THSD7B: variants seen among roughly 807,000 people sequenced by gnomAD.
THSD7B encodes the protein thrombospondin type 1 domain containing 7B, also known as thrombospondin type-1 domain-containing protein 7B.
Under a neutral mutation model 213.6 loss-of-function variants are expected in THSD7B, and 138 were observed. That is an observed-to-expected ratio of 0.65 (90% CI 0.56 to 0.74). The LOEUF (loss-of-function observed/expected upper bound fraction) is 0.74, where lower values mean the gene tolerates loss of function less well. THSD7B is among the 30% of genes least tolerant of loss of function. The pLI, the probability that THSD7B is intolerant of heterozygous loss-of-function variation, is 0.00. For missense variants in THSD7B, 1,931 were observed against 1,991.5 expected (o/e 0.97, Z 0.58); for synonymous variants, 742 against 687.0 (o/e 1.08, Z -1.25).
chr2:137,275,380 A>G (rs967870970), intron 11 of THSD7B, among the ~76,000 whole-genome samples: 3 of 152,158 alleles, frequency 2.0e-5, no homozygotes, highest in Non-Finnish European at 4.4e-5. Context: ...AATTTGAAGC[A>G]GAGGATTAAG....
At chr2:137,413,703 G>A (rs1212083523) in intron 14 of THSD7B, among the ~76,000 whole-genome samples, 1 of 152,190 alleles carries the variant, frequency 6.6e-6, no homozygotes, top group Non-Finnish European at 1.5e-5. Context: ...AGTTGAAGAA[G>A]TATGTGGAAT....
chr2:136,879,823 C>T (rs1468815633), intron 1 of THSD7B, among the ~76,000 whole-genome samples: 1 of 152,056 alleles, frequency 6.6e-6, no homozygotes, highest in Admixed American at 6.6e-5. Flanking sequence ...ATCCTAGTCT[C>T]TGATAAAATA....
chr2:137,044,586 C>A (rs181125415), intron 2 of THSD7B, among the ~76,000 whole-genome samples: 55 of 152,088 alleles, frequency 3.6e-4, no homozygotes, highest in African/African-American at 1.3e-3. Context: ...ATATACATAC[C>A]TATGATAAAG....
chr2:137,346,478 TTC>T (rs139028202), intron 12 of THSD7B, among the ~76,000 whole-genome samples: 235 of 147,444 alleles, frequency 1.6e-3, no homozygotes, highest in African/African-American at 4.6e-3. Flanking sequence ...TAATATTCCA[TTC>T]TCTCTCTCTC....
chr2:136,924,476 G>A (rs1031214754), intron 2 of THSD7B, among the ~76,000 whole-genome samples: 1 of 152,074 alleles, frequency 6.6e-6, no homozygotes, highest in African/African-American at 2.4e-5. Context: ...GGTAGTCTTG[G>A]CAACTTTGTA....
intron 12 of THSD7B, among the ~76,000 whole-genome samples, chr2:137,313,867 G>A (rs912073375): frequency 1.9e-4 from 29 of 152,120 alleles, no homozygotes; most frequent in East Asian, 7.7e-4. Context: ...AGTTTCTGCC[G>A]AGAGATCTGC....
chr2:137,646,616 C>T (rs1056192687), intron 21 of THSD7B, among the ~76,000 whole-genome samples: 4 of 149,514 alleles, frequency 2.7e-5, no homozygotes, highest in African/African-American at 9.8e-5. Context: ...CACCCCACTG[C>T]ACTCCAGCTT....
intron 12 of THSD7B, among the ~76,000 whole-genome samples, chr2:137,331,908 G>C (rs545450864): frequency 0.015 from 2,273 of 152,220 alleles, 52 homozygotes; most frequent in African/African-American, 0.052. Flanking sequence ...CCAAGTGCGG[G>C]CCCGCCAAGC....
chr2:137,030,129 G>T (rs1185864539), intron 2 of THSD7B, among the ~76,000 whole-genome samples: 2 of 152,154 alleles, frequency 1.3e-5, no homozygotes, highest in Non-Finnish European at 2.9e-5. Context: ...ATGAGTGTAT[G>T]TAGAGAAGGT....
chr2:137,205,974 T>C (rs1680975445), intron 7 of THSD7B, among the ~76,000 whole-genome samples: 1 of 152,056 alleles, frequency 6.6e-6, no homozygotes, highest in Admixed American at 6.6e-5. Context: ...CTTCTATTAC[T>C]AAAGTATATT....
rs1301422821 is a variant in THSD7B, at chr2:137,016,848, TCTAA to T, written c.140-39568_140-39565del. Among the ~76,000 whole-genome samples, 6 of 152,312 alleles carry T rather than the reference TCTAA, an allele frequency of 3.9e-5. No individual in the cohort carries two copies. The East Asian group carries it at 5.8e-4, about 15-fold the overall frequency. On this transcript the variant is annotated intron_variant, in intron 2 of 27. Coordinates refer to ENST00000409968, the MANE Select transcript of THSD7B (RefSeq NM_001316349.2). ...TAATGTAAATACTTTTGCAAGTGCT[TCTAA>T]CTATCAAGATTGGCGTGAAAGATAG...
chr2:137,268,664 G>A (rs1682660546), intron 10 of THSD7B, among the ~76,000 whole-genome samples: 1 of 152,082 alleles, frequency 6.6e-6, no homozygotes, highest in Admixed American at 6.6e-5. Flanking sequence ...CTTTACTGCA[G>A]CCCATTTTAT....
intron 17 of THSD7B, among the ~76,000 whole-genome samples, chr2:137,573,476 TGAAA>T (rs1181884521): frequency 6.6e-6 from 1 of 152,106 alleles, no homozygotes; most frequent in Non-Finnish European, 1.5e-5. Flanking sequence ...ATTCTATTCC[TGAAA>T]GAGATTTCAC....
intron 2 of THSD7B, among the ~76,000 whole-genome samples, chr2:136,958,054 T>C (rs1396664969): frequency 6.6e-6 from 1 of 152,232 alleles, no homozygotes; most frequent in Non-Finnish European, 1.5e-5. Flanking sequence ...AATTACATCA[T>C]GTTTAATTCA....
At chr2:137,098,218 A>G (rs1688076478) in intron 4 of THSD7B, among the ~76,000 whole-genome samples, 1 of 152,160 alleles carries the variant, frequency 6.6e-6, no homozygotes, top group Admixed American at 6.5e-5. Context: ...TTGATTCTTC[A>G]TAGTGTTTTT....
chr2:137,364,217 A>G (rs1685346629), intron 12 of THSD7B, among the ~76,000 whole-genome samples: 1 of 152,256 alleles, frequency 6.6e-6, no homozygotes. Flanking sequence ...AAAATTCTCA[A>G]TAAACTAGGT....
chr2:137,269,044 C>T (rs1403823276), intron 10 of THSD7B, among the ~76,000 whole-genome samples: 2 of 152,184 alleles, frequency 1.3e-5, no homozygotes, highest in African/African-American at 4.8e-5. Context: ...CATGCACACA[C>T]ATACACACAC....
At chr2:136,923,671 T>C (rs953528991) in intron 2 of THSD7B, among the ~76,000 whole-genome samples, 6 of 152,340 alleles carry the variant, frequency 3.9e-5, no homozygotes, top group Non-Finnish European at 2.9e-5. Flanking sequence ...AGGTGTTATC[T>C]CTTTGGTTTT....
intron 5 of THSD7B, among the ~76,000 whole-genome samples, chr2:137,138,655 T>C (rs767392992): frequency 6.6e-6 from 1 of 152,214 alleles, no homozygotes; most frequent in Non-Finnish European, 1.5e-5. Context: ...TTACTTCTCT[T>C]CATCTACATC....
Sources: allele counts gnomAD v4.1 joint callset (sites outside exome capture counted in the v4.1 genomes callset), GRCh38; gene constraint gnomAD v4.1.1; transcripts MANE v1.5; gene names NCBI Gene and HGNC (gene_info 2026-07-23, HGNC 2026-07-21).